The following FAM20B variants were observed in gnomAD, a reference collection of about 807,000 sequenced individuals.
FAM20B encodes FAM20B glycosaminoglycan xylosylkinase.
FAM20B carries 23 observed loss-of-function variants against 43.8 expected under a neutral mutation model. The ratio of observed to expected loss-of-function variants is 0.53; its 90% CI spans 0.38 to 0.74. The LOEUF (loss-of-function observed/expected upper bound fraction) is 0.74, where lower values mean the gene tolerates loss of function less well. Ranked by LOEUF, FAM20B falls within the 30% of genes least tolerant of loss-of-function variation. FAM20B has a pLI of 0.00. For synonymous variants in FAM20B, 178 were observed against 192.4 expected (o/e 0.93, Z 0.62); for missense variants, 440 against 510.5 (o/e 0.86, Z 1.33).
chr1:179,035,924 G>A (rs1050980838), intron 1 of FAM20B, among the ~76,000 whole-genome samples: 1 of 152,070 alleles, frequency 6.6e-6, no homozygotes, highest in South Asian at 2.1e-4. Flanking sequence ...GAGGTCAGGA[G>A]TTCGAGACCA....
chr1:179,035,945 C>T (rs1352647893), intron 1 of FAM20B, among the ~76,000 whole-genome samples: 1 of 152,006 alleles, frequency 6.6e-6, no homozygotes, highest in Non-Finnish European at 1.5e-5. Context: ...GCCTGCCCAA[C>T]GTGGAGAAAC....
chr1:179,044,285 A>G (rs1650673632), intron 2 of FAM20B, 61 bp downstream of exon 2: 3 of 1,516,016 alleles, frequency 2.0e-6, no homozygotes, highest in East Asian at 4.5e-5. Flanking sequence ...CTTGGGATTT[A>G]TATAAGATTT....
chr1:179,041,873 T>G (rs1650565305), intron 1 of FAM20B, among the ~76,000 whole-genome samples: 1 of 152,180 alleles, frequency 6.6e-6, no homozygotes, highest in Non-Finnish European at 1.5e-5. Flanking sequence ...TTTTGAAAGT[T>G]AAAAAAATGA....
chr1:179,054,698 T>C, intron 4 of FAM20B, 60 bp downstream of exon 4: 2 of 1,050,652 alleles, frequency 1.9e-6, no homozygotes, highest in Admixed American at 1.9e-5. Flanking sequence ...AAATGGGGCA[T>C]TGTTGAGCAA....
chr1:179,019,703 T>C, the FAM20B span, among the ~76,000 whole-genome samples: 3 of 152,208 alleles, frequency 2.0e-5, no homozygotes, highest in Non-Finnish European at 4.4e-5. Context: ...CTCAGGTGAT[T>C]TGCCCACCTC....
intron 3 of FAM20B, among the ~76,000 whole-genome samples, chr1:179,051,189 T>C (rs1312040962): frequency 6.6e-6 from 1 of 151,352 alleles, no homozygotes; most frequent in Non-Finnish European, 1.5e-5. Context: ...AGGAAAATTC[T>C]TTTTTTTTCT....
chr1:179,027,921 A>G (rs548923049), intron 1 of FAM20B, among the ~76,000 whole-genome samples: 4 of 152,196 alleles, frequency 2.6e-5, no homozygotes, highest in African/African-American at 9.6e-5. Context: ...TCATGGAAGT[A>G]TTTTATGTTA....
the FAM20B span, among the ~76,000 whole-genome samples, chr1:179,019,663 T>A: frequency 6.6e-6 from 1 of 152,134 alleles, no homozygotes; most frequent in East Asian, 1.9e-4. Context: ...GGTTTCTCCA[T>A]GTTGGTCAGG....
intron 1 of FAM20B, among the ~76,000 whole-genome samples, chr1:179,032,240 ATAATGAC>A (rs1191649791): frequency 6.6e-6 from 1 of 150,842 alleles, no homozygotes; most frequent in African/African-American, 2.4e-5. Flanking sequence ...TGATATGGTG[ATAATGAC>A]TAGCAAGTGA....
intron 1 of FAM20B, among the ~76,000 whole-genome samples, chr1:179,027,096 C>G (rs1430642662): frequency 6.6e-6 from 1 of 152,212 alleles, no homozygotes; most frequent in Non-Finnish European, 1.5e-5. Flanking sequence ...CAGCCAGCTT[C>G]CCTCTGGAGG....
chr1:179,047,884 G>C (rs557833299), intron 2 of FAM20B, among the ~76,000 whole-genome samples: 2 of 152,304 alleles, frequency 1.3e-5, no homozygotes, highest in Admixed American at 6.5e-5. Context: ...TGCTCTGTCA[G>C]TGACTTAAGA....
At chr1:179,035,011 T>C (rs1322381179) in intron 1 of FAM20B, among the ~76,000 whole-genome samples, 1 of 152,228 alleles carries the variant, frequency 6.6e-6, no homozygotes, top group Non-Finnish European at 1.5e-5. Flanking sequence ...GAGGTAGTAT[T>C]GTGAGCTTGT....
chr1:179,060,887 T>C (rs1230373755), intron 4 of FAM20B, among the ~76,000 whole-genome samples: 1 of 152,242 alleles, frequency 6.6e-6, no homozygotes, highest in East Asian at 1.9e-4. Context: ...CAATATGTTA[T>C]TAAACTTTTG....
chr1:179,034,760 C>T (rs1203039871), intron 1 of FAM20B, among the ~76,000 whole-genome samples: 1 of 152,158 alleles, frequency 6.6e-6, no homozygotes, highest in East Asian at 1.9e-4. Context: ...TTAAGAAATC[C>T]TACCCCTTTG....
intron 2 of FAM20B, among the ~76,000 whole-genome samples, chr1:179,049,884 C>T (rs4652349): frequency 0.47 from 70,900 of 152,048 alleles, 16,960 homozygotes; most frequent in African/African-American, 0.54. Context: ...TTCTTCAGGT[C>T]AGTCTAATAA....
upstream of FAM20B, among the ~76,000 whole-genome samples, chr1:179,025,110 G>C (rs1380036952): frequency 6.6e-6 from 1 of 152,172 alleles, no homozygotes; most frequent in Non-Finnish European, 1.5e-5. Context: ...CACAGTGGCG[G>C]CTCTGTATAA....
At chr1:179,025,082 G>A (rs762531006), upstream of FAM20B, among the ~76,000 whole-genome samples, 1 of 152,178 alleles carries the variant, frequency 6.6e-6, no homozygotes, top group Non-Finnish European at 1.5e-5. Flanking sequence ...TTTAGTATAT[G>A]GTGAATAAAT....
chr1:179,059,831 G>A (rs1258856851), intron 4 of FAM20B, among the ~76,000 whole-genome samples: 2 of 152,014 alleles, frequency 1.3e-5, no homozygotes. Flanking sequence ...AATTAGCCGG[G>A]TGTGGTGGTG....
At chr1:179,066,927 C>G (rs757077043) in intron 7 of FAM20B, 68 bp downstream of exon 7, 16 of 1,168,424 alleles carry the variant, frequency 1.4e-5, no homozygotes, top group Non-Finnish European at 2.1e-5. Context: ...AACAGTACAT[C>G]CATTTTCTTG....
Sources: allele counts gnomAD v4.1 joint callset (sites outside exome capture counted in the v4.1 genomes callset), GRCh38; gene constraint gnomAD v4.1.1; transcripts MANE v1.5; gene names NCBI Gene and HGNC (gene_info 2026-07-23, HGNC 2026-07-21).